The following GTF2F2 variants were observed in gnomAD, a reference collection of about 807,000 sequenced individuals.
GTF2F2 encodes the protein ATP-dependent helicase GTF2F2.
Under a neutral mutation model 42.2 loss-of-function variants are expected in GTF2F2, and 23 were observed. The ratio of observed to expected loss-of-function variants is 0.55; its 90% CI spans 0.39 to 0.77. GTF2F2 has a LOEUF of 0.77. Ranked by LOEUF, GTF2F2 falls within the 30% of genes least tolerant of loss-of-function variation. The pLI is 0.00. For synonymous variants in GTF2F2, 105 were observed against 100.8 expected (o/e 1.04, Z -0.25); for missense variants, 261 against 287.2 (o/e 0.91, Z 0.66).
chr13:45,270,081 C>G (rs1383350563), intron 7 of GTF2F2, among the ~76,000 whole-genome samples: 1 of 152,180 alleles, frequency 6.6e-6, no homozygotes, highest in Non-Finnish European at 1.5e-5. Context: ...ATCTACATGC[C>G]TCAGCCTCCC....
intron 5 of GTF2F2, among the ~76,000 whole-genome samples, chr13:45,227,915 A>C (rs1003272515): frequency 3.9e-5 from 6 of 152,216 alleles, no homozygotes; most frequent in Admixed American, 2.0e-4. Context: ...TGAGTTTGCC[A>C]TACAAAGAAG....
chr13:45,147,706 C>T (rs535504022), intron 2 of GTF2F2, among the ~76,000 whole-genome samples: 6 of 152,328 alleles, frequency 3.9e-5, no homozygotes, highest in East Asian at 3.9e-4. Flanking sequence ...AACAAATCTG[C>T]GGAAAAATCT....
intron 5 of GTF2F2, among the ~76,000 whole-genome samples, chr13:45,243,077 A>T (rs2138235821): frequency 6.6e-6 from 1 of 152,350 alleles, no homozygotes; most frequent in South Asian, 2.1e-4. Context: ...GTAATAATGA[A>T]GTACAGTTGT....
chr13:45,224,425 A>G (rs760781418), intron 5 of GTF2F2, among the ~76,000 whole-genome samples: 1 of 152,200 alleles, frequency 6.6e-6, no homozygotes, highest in Non-Finnish European at 1.5e-5. Context: ...CTATGAGTCA[A>G]GTGGTCAGAG....
In GTF2F2 at chr13:45,136,743, A is replaced by G; in HGVS notation, c.77A>G (p.Tyr26Cys). ...TTTACTTTGTTTTAGGTTCCTAAAT[A>G]TTTGTCACAGCAATGGGCTAAAGCC... ...TGVWLVKVPK[Y>C]LSQQWAKASG... is the part of the protein sequence containing the mutation. Residue 26 changes from tyrosine to cysteine, a missense_variant, in exon 2 of 8, where the codon TAT becomes TGT. By Grantham distance (194) the Tyr-to-Cys change is radical (BLOSUM62 -2). Coordinates refer to ENST00000340473, the MANE Select transcript of GTF2F2 (RefSeq NM_004128.3). The G allele has an allele frequency of 1.9e-6, 3 of 1,582,822 alleles. No individual in the cohort carries two copies. The highest frequency in any genetic ancestry group is 2.6e-6 in the Non-Finnish European group (3 of 1,154,626).
rs1234822332 is a variant in GTF2F2, at chr13:45,212,449, T to TTCTTTCTTTCTTTTCTTTTCTTTTC, written c.386+4957_386+4958insTCTTTTCTTTTCTCTTTCTTTCTTT. 2.3e-3 allele frequency among the ~76,000 whole-genome samples: 67 copies of TTCTTTCTTTCTTTTCTTTTCTTTTC among 28,682 alleles called. 6 individuals are homozygous for TTCTTTCTTTCTTTTCTTTTCTTTTC. The highest frequency in any genetic ancestry group is 0.01 in the African/African-American group (63 of 6,054). The allele number at this position is 28,682 out of a possible 152,430, so 18.8% of individuals were successfully genotyped here. A position where few individuals can be genotyped will look rare whatever the true frequency, so the allele number is the denominator to read the frequency against. Reference sequence around the variant, plus strand: ...ATTTCTTTCTTTCTTTCTTTCTTGTTTCTTTCTTTCTTTCTTTCTTTCTTT... The same window carrying TTCTTTCTTTCTTTTCTTTTCTTTTC: ...ATTTCTTTCTTTCTTTCTTTCTTGTTTCTTTCTTTCTTTTCTTTTCTTTTCTCTTTCTTTCTTTCTTTCTTTCTTT... On this transcript the variant is annotated intron_variant, in intron 5 of 7. Transcript: ENST00000340473.
intron 4 of GTF2F2, 189 bp from the exon 5 acceptor site, chr13:45,207,235 A>G: frequency 1.0e-5 from 5 of 500,644 alleles, no homozygotes; most frequent in Non-Finnish European, 1.8e-5. Flanking sequence ...ACAGGAGCCC[A>G]GTTTGTTACT....
At chr13:45,223,774 A>T (rs9534066) in intron 5 of GTF2F2, among the ~76,000 whole-genome samples, 30,426 of 152,104 alleles carry the variant, frequency 0.2, 3,248 homozygotes, top group Non-Finnish European at 0.22. Context: ...AAATATATAA[A>T]ATAAGAATTG....
chr13:45,261,442 A>AC (rs1876340599), intron 6 of GTF2F2, among the ~76,000 whole-genome samples: 1 of 151,160 alleles, frequency 6.6e-6, no homozygotes, highest in Non-Finnish European at 1.5e-5. Flanking sequence ...AAAAAAAAAA[A>AC]AAGAATAATT....
At chr13:45,274,080 C>T (rs1271033450) in intron 7 of GTF2F2, among the ~76,000 whole-genome samples, 1 of 152,082 alleles carries the variant, frequency 6.6e-6, no homozygotes, top group Non-Finnish European at 1.5e-5. Flanking sequence ...CTTGTACTGC[C>T]AGCACTGGCC....
At chr13:45,245,336 G>C (rs985623748) in intron 5 of GTF2F2, among the ~76,000 whole-genome samples, 1 of 151,626 alleles carries the variant, frequency 6.6e-6, no homozygotes, top group Non-Finnish European at 1.5e-5. Context: ...AGGAACAGGT[G>C]GTGTTTGGTT....
At chr13:45,129,536 C>G (rs533767446) in intron 1 of GTF2F2, among the ~76,000 whole-genome samples, 4 of 152,170 alleles carry the variant, frequency 2.6e-5, no homozygotes, top group Non-Finnish European at 4.4e-5. Flanking sequence ...AGGTGGATCT[C>G]TGAACTGAGA....
intron 4 of GTF2F2, among the ~76,000 whole-genome samples, chr13:45,164,934 A>G (rs751920215): frequency 6.6e-6 from 1 of 152,236 alleles, no homozygotes; most frequent in Non-Finnish European, 1.5e-5. Flanking sequence ...TTACATTCTC[A>G]TAACTATTTG....
chr13:45,133,805 C>T (rs1371719372), intron 1 of GTF2F2, among the ~76,000 whole-genome samples: 1 of 152,164 alleles, frequency 6.6e-6, no homozygotes, highest in Non-Finnish European at 1.5e-5. Context: ...TCAAGCTAGC[C>T]CACCCCTTTT....
At chr13:45,189,051 C>T (rs181902340) in intron 4 of GTF2F2, among the ~76,000 whole-genome samples, 34 of 152,200 alleles carry the variant, frequency 2.2e-4, no homozygotes, top group Non-Finnish European at 4.6e-4. Flanking sequence ...TATCCCTCCC[C>T]GGCTCCCCAC....
chr13:45,133,484 G>T (rs1869465425), intron 1 of GTF2F2, among the ~76,000 whole-genome samples: 1 of 152,096 alleles, frequency 6.6e-6, no homozygotes, highest in Non-Finnish European at 1.5e-5. Context: ...TCAACATAGG[G>T]AGAAGAAAAA....
At chr13:45,166,619 T>C (rs1871309901) in intron 4 of GTF2F2, among the ~76,000 whole-genome samples, 1 of 152,154 alleles carries the variant, frequency 6.6e-6, no homozygotes. Context: ...AGAAAGAAAA[T>C]CTTGTCAATC....
Position 45,271,965 on chromosome 13 carries a change from A to G in GTF2F2, c.630+4589A>G, listed in dbSNP as rs1341046454. Among the ~76,000 whole-genome samples, 4 of 151,996 alleles carry G rather than the reference A, an allele frequency of 2.6e-5. 1 individual carries two copies. The highest frequency in any genetic ancestry group is 1.3e-4 in the Admixed American group (2 of 15,252). The stretch of plus-strand genomic sequence containing the variant: ...GAAGCTTATTCCCAAATTTACTACT[A>G]CTTAATAACTGCTGTTTTTATTATA... On this transcript the variant is annotated intron_variant, in intron 7 of 7. Coordinates refer to ENST00000340473, the MANE Select transcript of GTF2F2 (RefSeq NM_004128.3).
chr13:45,222,537 A>T (rs1038729436), intron 5 of GTF2F2, among the ~76,000 whole-genome samples: 2 of 152,212 alleles, frequency 1.3e-5, no homozygotes, highest in Admixed American at 1.3e-4. Flanking sequence ...TTTAGCTTGG[A>T]TAAGGAATTA....
Sources: gnomAD v4.1 joint callset for allele counts (sites outside exome capture counted in the v4.1 genomes callset) on GRCh38, gnomAD v4.1.1 for gene constraint, MANE v1.5 for transcripts, NCBI Gene and HGNC (gene_info 2026-07-23, HGNC 2026-07-21) for gene names.